Variants in GDF10 observed in about 807,000 individuals in gnomAD.
GDF10 encodes the protein growth/differentiation factor 10.
A neutral mutation model predicts 32.1 loss-of-function variants in GDF10; 23 were observed. The ratio of observed to expected loss-of-function variants is 0.72; its 90% confidence interval spans 0.52 to 1.02. GDF10 has a LOEUF of 1.02. Ranked by LOEUF, GDF10 falls within the 50% of genes least tolerant of loss-of-function variation. The pLI is 0.00. For missense variants in GDF10, 764 were observed against 673.9 expected (o/e 1.13, Z -1.48); for synonymous variants, 328 against 303.1 (o/e 1.08, Z -0.85).
rs2061048460 is a variant in GDF10 at position 47,312,077 on chromosome 10, AG to A, written c.1246-519del. ...TAAAATTGCTAAGCTGACAAAAAAA[AG>A]GGGGTGATGCAGGGAGAGCAGCCCC... On this transcript the variant is annotated intron_variant, in intron 2 of 2. Coordinates refer to ENST00000580279, the MANE Select transcript of GDF10 (RefSeq NM_004962.5). Among the ~76,000 whole-genome samples, 4 of 146,926 alleles carry A rather than the reference AG, an allele frequency of 2.7e-5. No individual in the cohort carries two copies. In the South Asian group the frequency reaches 8.8e-4, roughly 32 times the overall value.
chr10:47,305,871 T>A (rs782326691), intron 1 of GDF10, among the ~76,000 whole-genome samples: 9 of 152,184 alleles, frequency 5.9e-5, no homozygotes, highest in Admixed American at 1.3e-4. Flanking sequence ...TCTTAGGGAG[T>A]CAGAACTCAA....
At chr10:47,310,813 C>T in intron 2 of GDF10, 92 bp downstream of exon 2, 3 of 851,436 alleles carry the variant, frequency 3.5e-6, no homozygotes, top group Non-Finnish European at 5.8e-6. Flanking sequence ...GTTTCCCCAT[C>T]TGCAAAATGG....
In GDF10 at chr10:47,301,739, G is replaced by A. The variant is rs188962169; in HGVS notation, c.319+769G>A. The stretch of plus-strand genomic sequence containing the variant: ...GAGGTGCAGCCAGGGCCACAGGGGT[G>A]GTGAGAAGACCCTGGTTGTCATGGT... On this transcript the variant is annotated intron_variant, in intron 1 of 2. Transcript: ENST00000580279. Among the ~76,000 whole-genome samples, 184 of 152,284 alleles carry A rather than the reference G, an allele frequency of 1.2e-3. 1 individual carries two copies. Among genetic ancestry groups the A allele is most frequent in the African/African-American group, 4.4e-3 (183 of 41,542 alleles).
In GDF10 at chr10:47,300,640, C is replaced by T. The variant is rs1555206718; in HGVS notation, c.-12C>T. Reference sequence around the variant, plus strand: ...CTCCTGGACTTCGGCCCTTTGCCGCCCTCACCACGCCATGGCTCATGTCCC... The same window carrying T: ...CTCCTGGACTTCGGCCCTTTGCCGCTCTCACCACGCCATGGCTCATGTCCC... On this transcript the variant is annotated 5_prime_UTR_variant, in exon 1 of 3. Transcript: ENST00000580279. 1.3e-6 allele frequency: 2 copies of T among 1,581,606 alleles called. No homozygotes were observed. Among genetic ancestry groups the T allele is most frequent in the Non-Finnish European group, 1.7e-6 (2 of 1,166,708 alleles).
At chr10:47,302,570 G>A (rs184200321) in intron 1 of GDF10, among the ~76,000 whole-genome samples, 1 of 152,358 alleles carries the variant, frequency 6.6e-6, no homozygotes, top group Non-Finnish European at 1.5e-5. Context: ...TTCACAGAAA[G>A]GGGGTAGTAC....
rs1354593275 is a variant in GDF10 at position 47,300,372 on chromosome 10, C to T, written c.-280C>T. On this transcript the variant is annotated 5_prime_UTR_variant, in exon 1 of 3. Transcript: ENST00000580279. The stretch of plus-strand genomic sequence containing the variant: ...GCTACAAACTTTCGCGGCGCGAGTC[C>T]GCCAAGGCAGCGCGCCGACTCGGGC... The T allele has an allele frequency of 3.7e-5, 13 of 353,260 alleles. 1 individual carries two copies. The highest frequency in any genetic ancestry group is 2.1e-5 in the African/African-American group (1 of 46,950). The allele number at this position is 353,260 out of a possible 1,614,324, so 21.9% of individuals were successfully genotyped here.
rs2061042734 is a variant in GDF10, at chr10:47,310,633, C to T, written c.1157C>T (p.Ala386Val). Reference protein sequence around the residue: ...CSRRYLKVDFADIGWNEWIIS... With the variant: ...CSRRYLKVDFVDIGWNEWIIS... Reference sequence around the variant, plus strand: ...CGGAGGTACCTGAAGGTGGACTTCGCAGACATCGGCTGGAATGAATGGATA... The same window carrying T: ...CGGAGGTACCTGAAGGTGGACTTCGTAGACATCGGCTGGAATGAATGGATA... Residue 386 changes from alanine (A) to valine (V), a missense_variant, in exon 2 of 3, where the codon GCA (alanine) becomes GTA (valine). Coordinates refer to ENST00000580279, the MANE Select transcript of GDF10 (RefSeq NM_004962.5). The T allele has an allele frequency of 6.2e-7, 1 of 1,614,094 alleles. No homozygotes were observed. The highest frequency in any genetic ancestry group is 1.3e-5 in the African/African-American group (1 of 75,060).
rs2061050988 is a variant in GDF10 at position 47,312,684 on chromosome 10, T to C, written c.1329T>C (p.Cys443=). The change falls in exon 3 of 3, where the codon TGT becomes TGC. Residue 443 remains cysteine, a synonymous_variant. Transcript: ENST00000580279. Reference sequence around the variant, plus strand: ...TCCCTGGCATCCCAGAGCCCTGCTGTGTTCCCGATAAGATGAACTCCCTTG... The same window carrying C: ...TCCCTGGCATCCCAGAGCCCTGCTGCGTTCCCGATAAGATGAACTCCCTTG... ...GIIPGIPEPC[C]VPDKMNSLGV... is the part of the protein sequence containing the mutation. 2.5e-6 allele frequency: 4 copies of C among 1,611,064 alleles called. No homozygotes were observed. The highest frequency in any genetic ancestry group is 3.4e-6 in the Non-Finnish European group (4 of 1,178,330).
chr10:47,302,267 G>A (rs1434768806), intron 1 of GDF10, among the ~76,000 whole-genome samples: 2 of 152,236 alleles, frequency 1.3e-5, no homozygotes, highest in Non-Finnish European at 2.9e-5. Flanking sequence ...TCTCCCCTGT[G>A]CAGTTGAAGG....
Position 47,300,941 on chromosome 10 carries a change from A to G in GDF10, c.290A>G (p.Asn97Ser). The G allele has an allele frequency of 2.0e-6, 3 of 1,529,292 alleles. No homozygotes were observed. Among genetic ancestry groups the G allele is most frequent in the Non-Finnish European group, 2.6e-6 (3 of 1,145,226 alleles). The allele number at this position is 1,529,292 out of a possible 1,614,324, so 94.7% of individuals were successfully genotyped here. Residue 97 changes from asparagine (N) to serine (S), a missense_variant, in exon 1 of 3, where the codon AAC becomes AGC. Physicochemically the swap from Asn to Ser is conservative, Grantham distance 46. Coordinates refer to ENST00000580279, the MANE Select transcript of GDF10 (RefSeq NM_004962.5). ...SRQGARPGGGNTVRSFRARLE... is the reference protein window; with the variant it reads ...SRQGARPGGGSTVRSFRARLE... ...CAGGGCGCGCGGCCGGGAGGGGGCA[A>G]CACGGTCCGCAGCTTCAGGGCCAGG...
At chr10:47,304,782 T>G (rs2061017247) in intron 1 of GDF10, among the ~76,000 whole-genome samples, 1 of 152,252 alleles carries the variant, frequency 6.6e-6, no homozygotes, top group African/African-American at 2.4e-5. Context: ...GAAATTACTT[T>G]TTTTCATTAC....
intron 1 of GDF10, among the ~76,000 whole-genome samples, chr10:47,307,331 A>C (rs551720868): frequency 6.6e-6 from 1 of 152,324 alleles, no homozygotes; most frequent in African/African-American, 2.4e-5. Flanking sequence ...AAGGCAGAGA[A>C]GAAAGAAGAG....
At chr10:47,311,256 G>A (rs535588892) in intron 2 of GDF10, among the ~76,000 whole-genome samples, 50 of 152,294 alleles carry the variant, frequency 3.3e-4, no homozygotes, top group Admixed American at 1.2e-3. Flanking sequence ...CTGTGCACAG[G>A]GTCTGCAGGA....
At chr10:47,305,028 A>C (rs1479465210) in intron 1 of GDF10, among the ~76,000 whole-genome samples, 1 of 152,218 alleles carries the variant, frequency 6.6e-6, no homozygotes, top group Non-Finnish European at 1.5e-5. Context: ...CCCTGAGCGC[A>C]GGGTGGAAAG....
At chr10:47,301,043 G>T (rs928285733) in intron 1 of GDF10, 73 bp downstream of exon 1, 99 of 1,029,396 alleles carry the variant, frequency 9.6e-5, no homozygotes, top group Non-Finnish European at 1.3e-4. Context: ...CCCCACCCGT[G>T]CACCTCTACT....
intron 1 of GDF10, among the ~76,000 whole-genome samples, chr10:47,304,973 A>G (rs541073596): frequency 2.0e-5 from 3 of 151,736 alleles, no homozygotes; most frequent in African/African-American, 7.2e-5. Flanking sequence ...GTGCGATGTA[A>G]GAGGGAACAA....
rs1555207436 is a variant in GDF10, at chr10:47,309,962, G to T, written c.486G>T (p.Leu162=). The change falls in exon 2 of 3, where the codon CTG becomes CTT. Residue 162 remains leucine, a synonymous_variant. Transcript: ENST00000580279. ...PRAKNASGRP[L]PLGPPTRQHL... is the part of the protein sequence containing the mutation. ...CCAAGAACGCTTCAGGCCGCCCGCT[G>T]CCCCTGGGCCCGCCCACACGCCAGC... 1 of 1,611,986 alleles carries T rather than the reference G, an allele frequency of 6.2e-7. No individual in the cohort carries two copies. The highest frequency in any genetic ancestry group is 1.7e-5 in the Admixed American group (1 of 59,958).
chr10:47,300,705 G>A lies in GDF10; in HGVS notation c.54G>A (p.Leu18=), dbSNP rs782014039. Residue 18 remains leucine (L), a synonymous_variant, in exon 1 of 3, where the codon CTG becomes CTA. Coordinates refer to ENST00000580279, the MANE Select transcript of GDF10 (RefSeq NM_004962.5). ...TSPGPGPQLL[L]LLLPLFLLLL... ...CGGGACCCGGGCCCCAGCTGCTGCT[G>A]CTGCTGCTGCCGTTGTTTCTGCTGT... 3.1e-6 allele frequency: 5 copies of A among 1,596,938 alleles called. No homozygotes were observed. Among genetic ancestry groups the A allele is most frequent in the Non-Finnish European group, 3.4e-6 (4 of 1,174,272 alleles).
rs373114581 is a variant in GDF10, at chr10:47,310,103, C to T, written c.627C>T (p.Ile209=). 6.2e-7 allele frequency: 1 copy of T among 1,609,188 alleles called. No individual in the cohort carries two copies. The highest frequency in any genetic ancestry group is 1.3e-5 in the African/African-American group (1 of 74,918). ...GGCAGGCCAAGGACATCTCCCCCAT[C>T]GTCAAGGCGGCCCGCCGGGATGGCG... ...GLWQAKDISP[I]VKAARRDGEL... The change falls in exon 2 of 3, where the codon ATC becomes ATT. Residue 209 remains isoleucine (I), a synonymous_variant. Coordinates refer to ENST00000580279, the MANE Select transcript of GDF10 (RefSeq NM_004962.5).
Sources: gnomAD v4.1 joint callset for allele counts (sites outside exome capture counted in the v4.1 genomes callset) on GRCh38, gnomAD v4.1.1 for gene constraint, MANE v1.5 for transcripts, NCBI Gene and HGNC (gene_info 2026-07-23, HGNC 2026-07-21) for gene names.